The following GFRA1 variants were observed in gnomAD, a reference collection of about 807,000 sequenced individuals.
GFRA1 encodes GDNF family receptor alpha 1, also known as GDNF family receptor alpha-1.
GFRA1 carries 16 observed loss-of-function variants against 51.6 expected under a neutral mutation model. The observed-to-expected ratio is 0.31, with a 90% CI of 0.21 to 0.47. The LOEUF (loss-of-function observed/expected upper bound fraction) is 0.47. Ranked by LOEUF, GFRA1 falls within the 20% of genes least tolerant of loss-of-function variation. The pLI is 1.00. For synonymous variants in GFRA1, 270 were observed against 241.3 expected (o/e 1.12, Z -1.10); for missense variants, 530 against 594.3 (o/e 0.89, Z 1.13).
chr10:116,230,174 G>C (rs971474233), intron 4 of GFRA1, among the ~76,000 whole-genome samples: 1 of 152,198 alleles, frequency 6.6e-6, no homozygotes, highest in African/African-American at 2.4e-5. Flanking sequence ...CTGAGGACTT[G>C]GAAATCTGTC....
At chr10:116,101,352 G>A (rs572134260) in intron 6 of GFRA1, among the ~76,000 whole-genome samples, 1 of 152,236 alleles carries the variant, frequency 6.6e-6, no homozygotes, top group East Asian at 1.9e-4. Flanking sequence ...GTTTTTCTCC[G>A]AGAAAATGAA....
chr10:116,089,729 C>A lies in GFRA1; in HGVS notation c.1197+12G>T. 1 of 1,611,436 alleles carries A rather than the reference C, an allele frequency of 6.2e-7. No individual in the cohort carries two copies. The highest frequency in any genetic ancestry group is 8.5e-7 in the Non-Finnish European group (1 of 1,177,684). On this transcript the variant is annotated intron_variant, in intron 9 of 10. Transcript: ENST00000355422. ...AGGGAGCCCCAGCAAGGAATCTGGA[C>A]GCAGTTCTCACCTGTAAATTTGCAC... is the stretch of plus-strand genomic sequence containing the variant.
At position 116,144,979 on chromosome 10, in the gene GFRA1, T is replaced by C. The variant is rs187112447; in HGVS notation, c.434-19422A>G. On this transcript the variant is annotated intron_variant, in intron 5 of 10. Transcript: ENST00000355422. ...ACCTGGTCAACATGACAAAACCCCA[T>C]CTCTACTAAAAATACAAAAATTAGC... 3.8e-3 allele frequency among the ~76,000 whole-genome samples: 572 copies of C among 151,144 alleles called. 4 individuals are homozygous for C. Among genetic ancestry groups the C allele is most frequent in the African/African-American group, 0.013 (539 of 41,222 alleles).
At chr10:116,243,044 C>T (rs553593674) in intron 4 of GFRA1, among the ~76,000 whole-genome samples, 1 of 152,278 alleles carries the variant, frequency 6.6e-6, no homozygotes, top group African/African-American at 2.4e-5. Flanking sequence ...TCTACTTTAT[C>T]CGCACCAAGG....
chr10:116,134,607 G>A (rs545025918), intron 5 of GFRA1, among the ~76,000 whole-genome samples: 5 of 152,264 alleles, frequency 3.3e-5, no homozygotes, highest in African/African-American at 7.2e-5. Context: ...CAGACATATT[G>A]TATTACATGA....
Position 116,065,606 on chromosome 10 carries a change from A to G in GFRA1, c.1218T>C (p.Asn406=). 1 of 1,613,670 alleles carries G rather than the reference A, an allele frequency of 6.2e-7. No individual in the cohort carries two copies. The highest frequency in any genetic ancestry group is 8.5e-7 in the Non-Finnish European group (1 of 1,179,688). Residue 406 remains asparagine, a synonymous_variant, in exon 10 of 11, where the codon AAT becomes AAC. Coordinates refer to ENST00000355422, the MANE Select transcript of GFRA1 (RefSeq NM_005264.8). The stretch of plus-strand genomic sequence containing the variant: ...TACAGAGGTGTGTATTGCCCGACAC[A>G]TTGGATTTCAGCTTCTGTGCCTGGA... ...ANLQAQKLKS[N]VSGNTHLCIS... is the part of the protein sequence containing the mutation.
At chr10:116,102,979 G>A (rs182636695) in intron 6 of GFRA1, among the ~76,000 whole-genome samples, 4 of 152,168 alleles carry the variant, frequency 2.6e-5, no homozygotes, top group Non-Finnish European at 4.4e-5. Flanking sequence ...TTTAGTTTCT[G>A]AAAGCTTTCT....
At chr10:116,168,434 G>A (rs1321530432) in intron 5 of GFRA1, among the ~76,000 whole-genome samples, 1 of 152,176 alleles carries the variant, frequency 6.6e-6, no homozygotes, top group Non-Finnish European at 1.5e-5. Flanking sequence ...CATAGCATGT[G>A]TAAACCAGTT....
intron 5 of GFRA1, among the ~76,000 whole-genome samples, chr10:116,211,385 C>T (rs1459749612): frequency 6.6e-6 from 1 of 152,174 alleles, no homozygotes; most frequent in Non-Finnish European, 1.5e-5. Context: ...CTCCAAGCGT[C>T]TCTGCCCAGC....
At chr10:116,150,140 G>A (rs1358897443) in intron 5 of GFRA1, among the ~76,000 whole-genome samples, 1 of 152,124 alleles carries the variant, frequency 6.6e-6, no homozygotes, top group Non-Finnish European at 1.5e-5. Flanking sequence ...TCAGGCAGAT[G>A]AACACCAGCA....
chr10:116,230,023 A>G (rs1435556322), intron 4 of GFRA1, among the ~76,000 whole-genome samples: 2 of 152,080 alleles, frequency 1.3e-5, no homozygotes, highest in African/African-American at 2.4e-5. Context: ...CTTCCCAAAG[A>G]GCTTCTTGTT....
At chr10:116,078,807 C>T (rs922765928) in intron 9 of GFRA1, among the ~76,000 whole-genome samples, 2 of 152,142 alleles carry the variant, frequency 1.3e-5, no homozygotes, top group Non-Finnish European at 1.5e-5. Flanking sequence ...TAACACGCAG[C>T]CCCAAGACCA....
At position 116,083,496 on chromosome 10, in the gene GFRA1, C is replaced by T. The variant is rs551169885; in HGVS notation, c.1197+6245G>A. Among the ~76,000 whole-genome samples, 25 of 152,304 alleles carry T rather than the reference C, an allele frequency of 1.6e-4. No individual in the cohort carries two copies. The South Asian group carries it at 5.2e-3, about 32-fold the overall frequency. The stretch of plus-strand genomic sequence containing the variant: ...TAGAATATTGATTAAGTGCTCCGTG[C>T]TAGAAGATTGAAATTTACCTCCTGT... On this transcript the variant is annotated intron_variant, in intron 9 of 10. Coordinates refer to ENST00000355422, the MANE Select transcript of GFRA1 (RefSeq NM_005264.8).
intron 4 of GFRA1, among the ~76,000 whole-genome samples, chr10:116,252,498 T>C (rs1350825711): frequency 6.6e-6 from 1 of 152,188 alleles, no homozygotes; most frequent in African/African-American, 2.4e-5. Context: ...TGGCGCCTAC[T>C]GCATGGTGGG....
chr10:116,188,479 C>T (rs1962937497), intron 5 of GFRA1, among the ~76,000 whole-genome samples: 2 of 152,104 alleles, frequency 1.3e-5, no homozygotes, highest in Non-Finnish European at 2.9e-5. Context: ...AATGAGGGCT[C>T]TCTGTTCAAT....
chr10:116,093,788 G>A lies in GFRA1; in HGVS notation c.929C>T (p.Ala310Val). Residue 310 changes from alanine (A) to valine (V), a missense_variant, in exon 8 of 11, where the codon GCC (alanine) becomes GTC (valine). By Grantham distance (64) the Ala-to-Val change is moderately conservative. Transcript: ENST00000355422. ...NYIDSSSLSV[A>V]PWCDCSNSGN... Reference sequence around the variant, plus strand: ...ACTGTTGCTGCAGTCACACCATGGGGCCACACTGAGGCTACTGGAGTCTAT... The same window carrying A: ...ACTGTTGCTGCAGTCACACCATGGGACCACACTGAGGCTACTGGAGTCTAT... The A allele has an allele frequency of 6.2e-7, 1 of 1,613,544 alleles. No homozygotes were observed. The highest frequency in any genetic ancestry group is 8.5e-7 in the Non-Finnish European group (1 of 1,179,444).
At position 116,061,069 on chromosome 10, in the gene GFRA1, A is replaced by T. The variant is rs1954789502; in HGVS notation, c.*3329T>A. The T allele has an allele frequency of 6.6e-6, 1 of 152,156 alleles. No individual in the cohort carries two copies. The highest frequency in any genetic ancestry group is 2.4e-5 in the African/African-American group (1 of 41,416). 9.4% of individuals were successfully genotyped at this position (152,156 alleles called of 1,614,324 possible). ...GTGTCTGATTTAGAGACAAGAAGGC[A>T]AGAGGGAGACGGGCGGCAGCTAGAA... is the stretch of plus-strand genomic sequence containing the variant. On this transcript the variant is annotated 3_prime_UTR_variant, in exon 11 of 11. Coordinates refer to ENST00000355422, the MANE Select transcript of GFRA1 (RefSeq NM_005264.8).
At chr10:116,090,671 C>A (rs1956296197) in intron 8 of GFRA1, among the ~76,000 whole-genome samples, 1 of 151,882 alleles carries the variant, frequency 6.6e-6, no homozygotes, top group Non-Finnish European at 1.5e-5. Context: ...TTCCCCTCCC[C>A]AAAATGAATA....
intron 3 of GFRA1, among the ~76,000 whole-genome samples, chr10:116,270,048 AG>A (rs1275061553): frequency 6.6e-6 from 1 of 152,182 alleles, no homozygotes; most frequent in East Asian, 1.9e-4. Flanking sequence ...TAGACTCTGG[AG>A]GAAGTGACCG....
Sources: gnomAD v4.1 joint callset for allele counts (sites outside exome capture counted in the v4.1 genomes callset) on GRCh38, gnomAD v4.1.1 for gene constraint, MANE v1.5 for transcripts, NCBI Gene and HGNC (gene_info 2026-07-23, HGNC 2026-07-21) for gene names.